Variants in MANEA observed in about 807,000 individuals in gnomAD.
MANEA encodes glycoprotein endo-alpha-1,2-mannosidase.
MANEA carries 25 observed loss-of-function variants against 36.8 expected under a neutral mutation model. The ratio of observed to expected loss-of-function variants is 0.68; its 90% CI spans 0.50 to 0.95. The LOEUF (loss-of-function observed/expected upper bound fraction) is 0.95. Among genes scored for constraint, MANEA ranks in the 40% least tolerant of loss-of-function variants. The pLI is 0.00. For synonymous variants in MANEA, 198 were observed against 188.5 expected (o/e 1.05, Z -0.41); for missense variants, 565 against 558.8 (o/e 1.01, Z -0.11).
intron 1 of MANEA, among the ~76,000 whole-genome samples, chr6:95,581,415 A>C (rs947913971): frequency 1.3e-3 from 191 of 152,224 alleles, no homozygotes; most frequent in Non-Finnish European, 2.0e-3. Context: ...AGAAAAAAAA[A>C]CAGCTTCCAT....
chr6:95,605,047 A>G (rs1769672847), intron 4 of MANEA, 144 bp downstream of exon 4: 2 of 385,104 alleles, frequency 5.2e-6, no homozygotes, highest in Admixed American at 4.7e-5. Flanking sequence ...ATTGTAATGA[A>G]TGTCACCATC....
intron 3 of MANEA, among the ~76,000 whole-genome samples, chr6:95,603,523 C>G (rs918994459): frequency 6.6e-6 from 1 of 151,838 alleles, no homozygotes; most frequent in South Asian, 2.1e-4. Context: ...TTACTGTAAT[C>G]TCATTTAAAG....
chr6:95,585,296 A>G (rs1458143706), intron 1 of MANEA, among the ~76,000 whole-genome samples: 1 of 152,124 alleles, frequency 6.6e-6, no homozygotes, highest in Non-Finnish European at 1.5e-5. Flanking sequence ...GTTCAGTAAG[A>G]TTTTCAGAGT....
At chr6:95,578,510 A>G (rs1582216016) in intron 1 of MANEA, among the ~76,000 whole-genome samples, 1 of 152,274 alleles carries the variant, frequency 6.6e-6, no homozygotes, top group East Asian at 1.9e-4. Context: ...TAAAACCTAG[A>G]TATTGGTGAT....
In MANEA at chr6:95,606,491, A is replaced by G; in HGVS notation, c.*86A>G. 3 of 858,084 alleles carry G rather than the reference A, an allele frequency of 3.5e-6. No homozygotes were observed. The highest frequency in any genetic ancestry group is 5.2e-6 in the Non-Finnish European group (3 of 572,274). 53.2% of individuals were successfully genotyped at this position (858,084 alleles called of 1,614,324 possible). On this transcript the variant is annotated 3_prime_UTR_variant, in exon 5 of 5. Transcript: ENST00000358812. ...TTGAGTTCTGGAAAGAAAACTGTCA[A>G]AATCAGTATATACTATTAGTTATAT...
chr6:95,606,455 T>C lies in MANEA; in HGVS notation c.*50T>C. 1.4e-6 allele frequency: 2 copies of C among 1,390,502 alleles called. No individual in the cohort carries two copies. Among genetic ancestry groups the C allele is most frequent in the Non-Finnish European group, 1.9e-6 (2 of 1,035,384 alleles). The allele number at this position is 1,390,502 out of a possible 1,614,324, so 86.1% of individuals were successfully genotyped here. A position where few individuals can be genotyped will look rare whatever the true frequency, so the allele number is the denominator to read the frequency against. On this transcript the variant is annotated 3_prime_UTR_variant, in exon 5 of 5. Transcript: ENST00000358812. Reference sequence around the variant, plus strand: ...ATCAAAATCACCTAATTTTTAAAAATAGCTTTCGTTTTGAGTTCTGGAAAG... The same window carrying C: ...ATCAAAATCACCTAATTTTTAAAAACAGCTTTCGTTTTGAGTTCTGGAAAG...
intron 1 of MANEA, among the ~76,000 whole-genome samples, chr6:95,580,423 A>C (rs1769158080): frequency 6.6e-6 from 1 of 152,170 alleles, no homozygotes; most frequent in African/African-American, 2.4e-5. Context: ...GCATGATATA[A>C]TACATAAGGA....
At chr6:95,585,917 A>G (rs28623752) in intron 1 of MANEA, among the ~76,000 whole-genome samples, 13,867 of 152,016 alleles carry the variant, frequency 0.091, 1,318 homozygotes, top group East Asian at 0.4. Flanking sequence ...AATCCTAGCA[A>G]TGTGGGAGGC....
rs557326191 is a variant in MANEA, at chr6:95,596,160, G to A, written c.545-577G>A. 2.9e-4 allele frequency among the ~76,000 whole-genome samples: 44 copies of A among 152,164 alleles called. No individual in the cohort carries two copies. In the Middle Eastern group the frequency reaches 0.01, roughly 35 times the overall value. ...AAGGCAAAATTATAGGCAGCAAAAA[G>A]CTTAGTTATTGGCAGGGGTGAGGGG... On this transcript the variant is annotated intron_variant, in intron 2 of 4. Transcript: ENST00000358812.
chr6:95,587,888 T>A (rs775106081), intron 2 of MANEA, among the ~76,000 whole-genome samples: 4 of 152,068 alleles, frequency 2.6e-5, no homozygotes, highest in Non-Finnish European at 5.9e-5. Flanking sequence ...CTTCCTTCTC[T>A]TACATTACAT....
rs551983915 is a variant in MANEA at position 95,607,492 on chromosome 6, G to A, written c.*1087G>A. Reference sequence around the variant, plus strand: ...AAATGAAAATTATTTTATGTCTAGAGTAGGTCCTGAAGTTTGGCTTTACAT... The same window carrying A: ...AAATGAAAATTATTTTATGTCTAGAATAGGTCCTGAAGTTTGGCTTTACAT... On this transcript the variant is annotated 3_prime_UTR_variant, in exon 5 of 5. Coordinates refer to ENST00000358812, the MANE Select transcript of MANEA (RefSeq NM_024641.4). 70 of 152,056 alleles carry A rather than the reference G, an allele frequency of 4.6e-4. No individual in the cohort carries two copies. Among genetic ancestry groups the A allele is most frequent in the African/African-American group, 1.6e-3 (66 of 41,548 alleles). The allele number at this position is 152,056 out of a possible 1,614,324, so 9.4% of individuals were successfully genotyped here.
intron 2 of MANEA, among the ~76,000 whole-genome samples, chr6:95,594,900 C>T (rs1318577762): frequency 1.3e-5 from 2 of 152,054 alleles, no homozygotes; most frequent in Non-Finnish European, 2.9e-5. Flanking sequence ...CACATTTTCC[C>T]TTCAATTTGG....
chr6:95,582,173 CTTTTTTTTTTT>C (rs67978183), intron 1 of MANEA, among the ~76,000 whole-genome samples: 7 of 79,386 alleles, frequency 8.8e-5, no homozygotes, highest in Non-Finnish European at 1.5e-4. Flanking sequence ...GTTGTATCAT[CTTTTTTTTTTT>C]TTTTTTTTTT....
chr6:95,606,134 C>G lies in MANEA; in HGVS notation c.1118C>G (p.Thr373Ser). 1 of 1,614,048 alleles carries G rather than the reference C, an allele frequency of 6.2e-7. No individual in the cohort carries two copies. Among genetic ancestry groups the G allele is most frequent in the Non-Finnish European group, 8.5e-7 (1 of 1,179,972 alleles). ...TSIRPWNTQN[T>S]RNRINGKYYE... The stretch of plus-strand genomic sequence containing the variant: ...ATCCGTCCATGGAACACGCAAAACA[C>G]TCGGAACCGAATCAATGGGAAGTAT... The change falls in exon 5 of 5, where the codon ACT becomes AGT. Residue 373 changes from threonine (T) to serine (S), a missense_variant. Transcript: ENST00000358812.
intron 3 of MANEA, among the ~76,000 whole-genome samples, chr6:95,599,442 G>C (rs572321730): frequency 9.3e-5 from 14 of 151,190 alleles, no homozygotes; most frequent in South Asian, 2.1e-4. Flanking sequence ...AGTGATGTAG[G>C]TTCTTTTAAC....
At chr6:95,587,021 G>A (rs777022869) in intron 2 of MANEA, 38 bp downstream of exon 2, 243 of 1,016,174 alleles carry the variant, frequency 2.4e-4, no homozygotes, top group Non-Finnish European at 3.4e-4. Flanking sequence ...GTTTGTGTCT[G>A]TATATATGCA....
chr6:95,592,634 T>C (rs1483262692), intron 2 of MANEA, among the ~76,000 whole-genome samples: 2 of 152,206 alleles, frequency 1.3e-5, no homozygotes, highest in African/African-American at 4.8e-5. Flanking sequence ...TAACAAGTTT[T>C]CTGGGGCTCA....
At chr6:95,589,348 C>T (rs1022235770) in intron 2 of MANEA, among the ~76,000 whole-genome samples, 1 of 152,146 alleles carries the variant, frequency 6.6e-6, no homozygotes, top group Non-Finnish European at 1.5e-5. Flanking sequence ...ATTTAACATT[C>T]ATATTTTTCC....
intron 2 of MANEA, among the ~76,000 whole-genome samples, chr6:95,595,123 TAATC>T (rs1174575677): frequency 6.6e-6 from 1 of 152,224 alleles, no homozygotes; most frequent in Non-Finnish European, 1.5e-5. Flanking sequence ...ATTCATAGCA[TAATC>T]TTTCTGTTGT....
Sources: allele counts gnomAD v4.1 joint callset (sites outside exome capture counted in the v4.1 genomes callset), GRCh38; gene constraint gnomAD v4.1.1; transcripts MANE v1.5; gene names NCBI Gene and HGNC (gene_info 2026-07-23, HGNC 2026-07-21).